Variants in MET observed in about 807,000 individuals in gnomAD.
MET encodes hepatocyte growth factor receptor.
In MET, 48 loss-of-function variants were observed where a neutral mutation model predicts 133.1. That is an observed-to-expected ratio of 0.36 (90% CI 0.29 to 0.46). MET has a LOEUF of 0.46. Among genes scored for constraint, MET ranks in the 20% least tolerant of loss-of-function variants. The probability of loss-of-function intolerance (pLI) is 1.00; values close to 1 mark genes in which losing one functional copy is unlikely to be tolerated. For synonymous variants in MET, 628 were observed against 616.5 expected (o/e 1.02, Z -0.28); for missense variants, 1,442 against 1,695.9 (o/e 0.85, Z 2.63).
At position 116,758,548 on chromosome 7, in the gene MET, G is replaced by A. The variant is rs45446492; in HGVS notation, c.2192G>A (p.Arg731Gln). The A allele has an allele frequency of 4.3e-6, 7 of 1,613,770 alleles. No homozygotes were observed. The highest frequency in any genetic ancestry group is 1.7e-4 in the Middle Eastern group (1 of 6,060). ...AAATTGAAAATTGACTTAGCCAACC[G>A]AGAGACAAGCATCTTCAGTTACCGT... ...AVKLKIDLANRETSIFSYRED... is the reference protein window; with the variant it reads ...AVKLKIDLANQETSIFSYRED... Residue 731 changes from arginine to glutamine, a missense_variant, in exon 9 of 21, where the codon CGA becomes CAA. Physicochemically the swap from Arg to Gln is conservative, Grantham distance 43. Coordinates refer to ENST00000397752, the MANE Select transcript of MET (RefSeq NM_000245.4).
intron 2 of MET, among the ~76,000 whole-genome samples, chr7:116,730,524 C>A (rs1013896285): frequency 6.6e-6 from 1 of 152,004 alleles, no homozygotes; most frequent in African/African-American, 2.4e-5. Flanking sequence ...TGTGGTGGGT[C>A]TAGTTAAGAA....
intron 2 of MET, among the ~76,000 whole-genome samples, chr7:116,726,179 G>A (rs1241666014): frequency 0.01 from 23 of 2,266 alleles, no homozygotes; most frequent in South Asian, 0.1. Context: ...ATATATATAT[G>A]GGATATAAAA....
chr7:116,766,812 T>G (rs182202951), intron 11 of MET, among the ~76,000 whole-genome samples: 1 of 152,226 alleles, frequency 6.6e-6, no homozygotes, highest in East Asian at 1.9e-4. Flanking sequence ...ATTCCTGTGG[T>G]TTCATGGTAC....
chr7:116,751,633 T>G (rs186174347), intron 5 of MET, among the ~76,000 whole-genome samples: 10 of 152,214 alleles, frequency 6.6e-5, no homozygotes, highest in Admixed American at 6.5e-4. Context: ...ATTTCAGGAC[T>G]GTAAGCCCAT....
At chr7:116,756,019 T>A (rs1794166050) in intron 6 of MET, among the ~76,000 whole-genome samples, 1 of 152,244 alleles carries the variant, frequency 6.6e-6, no homozygotes, top group South Asian at 2.1e-4. Flanking sequence ...TTACTGGCAC[T>A]GCAATATATG....
intron 5 of MET, among the ~76,000 whole-genome samples, chr7:116,748,044 G>GAC (rs534915068): frequency 3.0e-4 from 45 of 152,178 alleles, no homozygotes; most frequent in Non-Finnish European, 5.3e-4. Context: ...AGGAGATCCA[G>GAC]ACATCCTGAC....
chr7:116,729,657 A>T (rs560860037), intron 2 of MET, among the ~76,000 whole-genome samples: 2 of 152,298 alleles, frequency 1.3e-5, no homozygotes, highest in South Asian at 4.1e-4. Context: ...CAAGGTATAC[A>T]TCATTTTCCT....
rs764685570 is a variant in MET at position 116,700,227 on chromosome 7, C to T, written c.1143C>T (p.Asn381=). ...TCTTCAACAAGATCGTCAACAAAAA[C>T]AATGTGAGATGTCTCCAGCATTTTT... ...NDFFNKIVNK[N]NVRCLQHFYG... Residue 381 remains asparagine, a synonymous_variant, in exon 2 of 21, where the codon AAC becomes AAT. Coordinates refer to ENST00000397752, the MANE Select transcript of MET (RefSeq NM_000245.4). 1 of 1,599,566 alleles carries T rather than the reference C, an allele frequency of 6.3e-7. No individual in the cohort carries two copies. The highest frequency in any genetic ancestry group is 1.3e-5 in the African/African-American group (1 of 74,144).
chr7:116,724,550 T>C (rs900885021), intron 2 of MET, among the ~76,000 whole-genome samples: 1 of 152,202 alleles, frequency 6.6e-6, no homozygotes, highest in Non-Finnish European at 1.5e-5. Context: ...CCAGAATCTA[T>C]CTAGATTTTT....
At chr7:116,774,173 A>T (rs1794918389) in intron 14 of MET, among the ~76,000 whole-genome samples, 1 of 152,202 alleles carries the variant, frequency 6.6e-6, no homozygotes, top group Non-Finnish European at 1.5e-5. Context: ...CTCCTTGCAA[A>T]AGGGAACTTT....
intron 10 of MET, chr7:116,759,699 C>T: frequency 6.6e-6 from 4 of 603,570 alleles, no homozygotes; most frequent in Non-Finnish European, 1.2e-5. Context: ...TACACATACA[C>T]ACATGCACAT....
At chr7:116,747,891 G>A (rs1358403500) in intron 5 of MET, among the ~76,000 whole-genome samples, 1 of 152,198 alleles carries the variant, frequency 6.6e-6, no homozygotes, top group African/African-American at 2.4e-5. Context: ...ACACTCCTCA[G>A]CAAATGCAAA....
chr7:116,745,517 T>C (rs1264020929), intron 5 of MET, among the ~76,000 whole-genome samples: 1 of 152,204 alleles, frequency 6.6e-6, no homozygotes, highest in Non-Finnish European at 1.5e-5. Context: ...TCATGCTACC[T>C]GACTTCAAAC....
chr7:116,764,700 C>T (rs556914824), intron 11 of MET, among the ~76,000 whole-genome samples: 8 of 152,106 alleles, frequency 5.3e-5, no homozygotes, highest in Non-Finnish European at 1.0e-4. Flanking sequence ...TGGCATCATC[C>T]TCGGCCTGTC....
At chr7:116,785,666 C>A (rs559340035) in intron 19 of MET, among the ~76,000 whole-genome samples, 1 of 152,022 alleles carries the variant, frequency 6.6e-6, no homozygotes, top group Non-Finnish European at 1.5e-5. Context: ...TTCTCCAAGA[C>A]AACTTGAAAG....
chr7:116,690,974 C>A (rs576392373), intron 1 of MET, among the ~76,000 whole-genome samples: 3 of 152,250 alleles, frequency 2.0e-5, no homozygotes, highest in Non-Finnish European at 4.4e-5. Context: ...TTTTAATAGA[C>A]CTACTTTTAA....
intron 4 of MET, 56 bp downstream of exon 4, chr7:116,740,140 T>C (rs1444294291): frequency 1.2e-6 from 2 of 1,601,190 alleles, no homozygotes; most frequent in South Asian, 2.2e-5. Flanking sequence ...AATGCATATT[T>C]ACAACCAGTG....
At chr7:116,763,316 T>A (rs1448706064) in intron 11 of MET, 48 bp downstream of exon 11, 1 of 1,512,110 alleles carries the variant, frequency 6.6e-7, no homozygotes, top group East Asian at 2.3e-5. Flanking sequence ...TCAAACTTAA[T>A]TGACTTCATA....
intron 19 of MET, among the ~76,000 whole-genome samples, chr7:116,787,488 T>G (rs1403793431): frequency 6.6e-6 from 1 of 152,174 alleles, no homozygotes; most frequent in Non-Finnish European, 1.5e-5. Context: ...AAGGTCTTCT[T>G]GCTGTGTCAT....
Sources: allele counts gnomAD v4.1 joint callset (sites outside exome capture counted in the v4.1 genomes callset), GRCh38; gene constraint gnomAD v4.1.1; transcripts MANE v1.5; gene names NCBI Gene and HGNC (gene_info 2026-07-23, HGNC 2026-07-21).